Variants in CNGB1 observed in about 807,000 individuals in gnomAD.
The protein encoded by CNGB1 is cyclic nucleotide gated channel subunit beta 1.
A neutral mutation model predicts 151.7 loss-of-function variants in CNGB1; 126 were observed. The observed-to-expected ratio is 0.83, with a 90% confidence interval of 0.72 to 0.96. The LOEUF (loss-of-function observed/expected upper bound fraction) is 0.96, where lower values mean the gene tolerates loss of function less well. Ranked by LOEUF, CNGB1 falls within the 40% of genes least tolerant of loss-of-function variation. CNGB1 has a pLI of 0.00. For missense variants in CNGB1, 1,698 were observed against 1,627.0 expected, an observed-to-expected ratio of 1.04 and a Z score of -0.75; for synonymous variants, 623 against 635.1, an observed-to-expected ratio of 0.98 and a Z score of 0.29.
intron 12 of CNGB1, among the ~76,000 whole-genome samples, chr16:57,956,494 G>A (rs559066432): frequency 6.1e-4 from 93 of 152,264 alleles, no homozygotes; most frequent in Admixed American, 2.0e-3. Flanking sequence ...GGCCACCCCC[G>A]GCTTCAGGGC....
intron 23 of CNGB1, 35 bp from the exon 24 acceptor site, chr16:57,913,029 G>C: frequency 1.2e-6 from 2 of 1,607,006 alleles, no homozygotes; most frequent in Non-Finnish European, 1.7e-6. Context: ...GCAGCCCACC[G>C]GCCATAGGTA....
intron 2 of CNGB1, among the ~76,000 whole-genome samples, chr16:57,965,345 A>G (rs1199106263): frequency 6.6e-6 from 1 of 152,236 alleles, no homozygotes; most frequent in Non-Finnish European, 1.5e-5. Context: ...ATATATGTGC[A>G]TACAGTCATA....
chr16:57,953,320 C>T (rs1476447726), intron 12 of CNGB1, among the ~76,000 whole-genome samples: 3 of 152,012 alleles, frequency 2.0e-5, no homozygotes, highest in Non-Finnish European at 4.4e-5. Flanking sequence ...CATGGTGAAA[C>T]CCATTCTCTA....
At chr16:57,884,480 C>G in intron 32 of CNGB1, 23 bp from the exon 33 acceptor site, 1 of 1,613,164 alleles carries the variant, frequency 6.2e-7, no homozygotes, top group East Asian at 2.2e-5. Flanking sequence ...AAGGGTGACT[C>G]GTGAGGCACA....
intron 29 of CNGB1, among the ~76,000 whole-genome samples, chr16:57,900,191 G>T (rs1179338690): frequency 3.3e-5 from 5 of 152,202 alleles, no homozygotes; most frequent in Admixed American, 6.5e-5. Flanking sequence ...CAGCCAGGAA[G>T]GGGCTCCAGT....
At position 57,921,721 on chromosome 16, in the gene CNGB1, C is replaced by T. The variant is rs572680576; in HGVS notation, c.1644-1177G>A. Among the ~76,000 whole-genome samples the T allele has an allele frequency of 1.4e-4, 21 of 152,296 alleles. No individual in the cohort carries two copies. In the South Asian group the frequency reaches 4.4e-3, roughly 32 times the overall value. On this transcript the variant is annotated intron_variant, in intron 18 of 32. Transcript: ENST00000251102. ...TAGGGGCCTCCTTACTGAAGACAGGCCTGGAGTTCTCCCTTTCTAGTGGTG... is the reference window on the plus strand; with the variant it reads ...TAGGGGCCTCCTTACTGAAGACAGGTCTGGAGTTCTCCCTTTCTAGTGGTG...
At chr16:57,917,197 G>A in intron 21 of CNGB1, 71 bp downstream of exon 21, 2 of 1,273,054 alleles carry the variant, frequency 1.6e-6, no homozygotes, top group East Asian at 2.5e-5. Context: ...AGCATCAGGG[G>A]TCAGTGCCCT....
intron 12 of CNGB1, 113 bp downstream of exon 12, chr16:57,957,228 T>C (rs1366324709): frequency 1.0e-6 from 1 of 997,154 alleles, no homozygotes; most frequent in African/African-American, 1.6e-5. Flanking sequence ...TGCCCCCCTG[T>C]GTGAGTCCAG....
chr16:57,930,074 G>C (rs4784872), intron 17 of CNGB1, among the ~76,000 whole-genome samples: 61,121 of 152,096 alleles, frequency 0.4, 14,783 homozygotes, highest in African/African-American at 0.69. Flanking sequence ...AGCAGTCCCT[G>C]TTCTGGTTGT....
chr16:57,960,997 A>C, intron 7 of CNGB1, 82 bp from the exon 8 acceptor site: 27 of 1,298,092 alleles, frequency 2.1e-5, no homozygotes, highest in East Asian at 2.4e-5. Context: ...CCAGGCCTCA[A>C]CCAGCCATTC....
chr16:57,948,313 CTTCTTT>C (rs1344138375), intron 14 of CNGB1, among the ~76,000 whole-genome samples: 34 of 99,368 alleles, frequency 3.4e-4, no homozygotes, highest in African/African-American at 9.8e-4. Flanking sequence ...TCTTCTTCTT[CTTCTTT>C]TTTTTTTTTT....
In CNGB1 at chr16:57,905,680, G is replaced by T. The variant is rs1549663; in HGVS notation, c.2493-805C>A. Among the ~76,000 whole-genome samples, 842 of 152,384 alleles carry T rather than the reference G, an allele frequency of 5.5e-3. 6 individuals carry two copies. The highest frequency in any genetic ancestry group is 0.02 in the African/African-American group (815 of 41,602). On this transcript the variant is annotated intron_variant, in intron 25 of 32. Coordinates refer to ENST00000251102, the MANE Select transcript of CNGB1 (RefSeq NM_001297.5). ...TAGGCTGCGAGGGCTTTGCCCTCAT[G>T]AATAGATTAAAGCTGTTACAAAAGG...
chr16:57,960,674 CCT>C, intron 8 of CNGB1, 144 bp from the exon 9 acceptor site: 1 of 1,292,270 alleles, frequency 7.7e-7, no homozygotes, highest in East Asian at 2.5e-5. Context: ...ATCCCGGCCC[CCT>C]CTCACAGTCA....
chr16:57,901,033 C>G (rs938727893), intron 29 of CNGB1, among the ~76,000 whole-genome samples: 1 of 138,258 alleles, frequency 7.2e-6, no homozygotes, highest in African/African-American at 2.7e-5. Flanking sequence ...TCAGGCTCCA[C>G]AGTTTCCCTT....
At chr16:57,922,417 T>C (rs1407430603) in intron 18 of CNGB1, among the ~76,000 whole-genome samples, 3 of 140,164 alleles carry the variant, frequency 2.1e-5, no homozygotes, top group Admixed American at 7.0e-5. Flanking sequence ...CTTTCTCTCT[T>C]TCTTTCTTTC....
intron 12 of CNGB1, among the ~76,000 whole-genome samples, chr16:57,956,796 T>C (rs1209985110): frequency 6.6e-6 from 1 of 152,166 alleles, no homozygotes; most frequent in Admixed American, 6.5e-5. Context: ...AAAGAACAGA[T>C]CCTGCCTCCA....
In CNGB1 at chr16:57,904,767, C is replaced by G. The variant is rs371181221; in HGVS notation, c.2601G>C (p.Thr867=). ...EIVFQLLNYF[T]GVFAFSVMIG... ...TCATCACAGAGAAAGCAAAGACGCCCGTGAAATAATTCAGCAGCTGGAAGA... is the reference window on the plus strand; with the variant it reads ...TCATCACAGAGAAAGCAAAGACGCCGGTGAAATAATTCAGCAGCTGGAAGA... The change falls in exon 26 of 33, where the codon ACG becomes ACC. Residue 867 remains threonine (T), a synonymous_variant. Coordinates refer to ENST00000251102, the MANE Select transcript of CNGB1 (RefSeq NM_001297.5). 6.2e-7 allele frequency: 1 copy of G among 1,614,134 alleles called. No individual in the cohort carries two copies. Among genetic ancestry groups the G allele is most frequent in the South Asian group, 1.1e-5 (1 of 91,084 alleles).
intron 1 of CNGB1, among the ~76,000 whole-genome samples, chr16:57,968,459 T>C (rs1962453139): frequency 6.6e-6 from 1 of 152,122 alleles, no homozygotes; most frequent in Non-Finnish European, 1.5e-5. Context: ...ATCGTGCCAC[T>C]GCACTCCAGC....
In CNGB1 at chr16:57,962,981, G is replaced by C; in HGVS notation, c.374C>G (p.Pro125Arg). The C allele has an allele frequency of 6.2e-7, 1 of 1,613,190 alleles. No homozygotes were observed. Among genetic ancestry groups the C allele is most frequent in the Non-Finnish European group, 8.5e-7 (1 of 1,180,004 alleles). ...PQPVHSITED[P>R]AQILGHGSTG... ...CTCCAGCCCCAGCAGTACCTGAGCC[G>C]GGTCCTCCGTGATGCTGTGAACAGG... Residue 125 changes from proline to arginine, a missense_variant, in exon 5 of 33, where the codon CCG (proline) becomes CGG (arginine). Pro to Arg is a moderately radical substitution (Grantham distance 103). Transcript: ENST00000251102.
Sources: allele counts gnomAD v4.1 joint callset (sites outside exome capture counted in the v4.1 genomes callset), GRCh38; gene constraint gnomAD v4.1.1; transcripts MANE v1.5; gene names NCBI Gene and HGNC (gene_info 2026-07-23, HGNC 2026-07-21).